The following PTPRT variants were observed in gnomAD, a reference collection of about 807,000 sequenced individuals.
PTPRT encodes the protein protein tyrosine phosphatase receptor type T, also known as receptor-type tyrosine-protein phosphatase T.
Under a neutral mutation model 176.8 loss-of-function variants are expected in PTPRT, and 56 were observed. The observed-to-expected ratio is 0.32, with a 90% CI of 0.26 to 0.40. PTPRT has a LOEUF of 0.40. Among genes scored for constraint, PTPRT ranks in the 10% least tolerant of loss-of-function variants. PTPRT has a pLI of 1.00. For missense variants in PTPRT, 1,540 were observed against 1,908.2 expected (o/e 0.81, Z 3.60); for synonymous variants, 783 against 739.0 (o/e 1.06, Z -0.96).
At position 42,619,480 on chromosome 20, in the gene PTPRT, G is replaced by A. The variant is rs1217296383; in HGVS notation, c.1153+58386C>T. Among the ~76,000 whole-genome samples, 23 of 127,520 alleles carry A rather than the reference G, an allele frequency of 1.8e-4. 1 individual carries two copies. The highest frequency in any genetic ancestry group is 7.5e-4 in the African/African-American group (20 of 26,780). 83.7% of individuals were successfully genotyped at this position (127,520 alleles called of 152,430 possible). The stretch of plus-strand genomic sequence containing the variant: ...TTCTCTGTATTTCCTGAATCTGAAC[G>A]TTGGCCTGCCTTGCTAGATTGGGGA... On this transcript the variant is annotated intron_variant, in intron 7 of 30. Coordinates refer to ENST00000373187, the MANE Select transcript of PTPRT (RefSeq NM_007050.6).
At chr20:42,882,648 A>G (rs2079026544) in intron 2 of PTPRT, among the ~76,000 whole-genome samples, 1 of 152,246 alleles carries the variant, frequency 6.6e-6, no homozygotes, top group Non-Finnish European at 1.5e-5. Flanking sequence ...CCACACATCC[A>G]TCCAACAAAT....
At chr20:42,572,486 T>C (rs1309219589) in intron 7 of PTPRT, among the ~76,000 whole-genome samples, 4 of 151,956 alleles carry the variant, frequency 2.6e-5, no homozygotes, top group Admixed American at 2.0e-4. Flanking sequence ...TCTCATTTAC[T>C]CCAGGGCCCT....
chr20:42,741,412 T>C (rs1437594109), intron 6 of PTPRT, among the ~76,000 whole-genome samples: 2 of 152,180 alleles, frequency 1.3e-5, no homozygotes, highest in African/African-American at 4.8e-5. Flanking sequence ...TGGCGCGATC[T>C]TGGCTCACTG....
intron 7 of PTPRT, among the ~76,000 whole-genome samples, chr20:42,592,587 A>G (rs2073599367): frequency 6.6e-6 from 1 of 152,168 alleles, no homozygotes; most frequent in Non-Finnish European, 1.5e-5. Context: ...CATTAAATGG[A>G]TCAAGCATTT....
intron 1 of PTPRT, among the ~76,000 whole-genome samples, chr20:42,887,488 G>T (rs528656354): frequency 6.6e-6 from 1 of 152,130 alleles, no homozygotes; most frequent in South Asian, 2.1e-4. Context: ...TTTTGTTATG[G>T]CAGCCTAAAT....
At chr20:42,082,594 T>G (rs753867) in intron 29 of PTPRT, among the ~76,000 whole-genome samples, 111,080 of 152,136 alleles carry the variant, frequency 0.73, 40,726 homozygotes, top group South Asian at 0.83. Context: ...GAGGAACTGG[T>G]CCTGATAGGC....
chr20:42,720,840 T>C (rs1345680271), intron 6 of PTPRT, among the ~76,000 whole-genome samples: 1 of 152,218 alleles, frequency 6.6e-6, no homozygotes, highest in Non-Finnish European at 1.5e-5. Flanking sequence ...TTTTTGAATA[T>C]AACTGTCTCT....
intron 18 of PTPRT, among the ~76,000 whole-genome samples, chr20:42,130,127 A>C (rs530919777): frequency 6.6e-6 from 1 of 152,198 alleles, no homozygotes; most frequent in East Asian, 1.9e-4. Context: ...CTGTTTCCAA[A>C]GGGGGTGTAA....
chr20:42,496,933 T>C (rs542175880), intron 7 of PTPRT, among the ~76,000 whole-genome samples: 2 of 152,186 alleles, frequency 1.3e-5, no homozygotes, highest in African/African-American at 4.8e-5. Flanking sequence ...GACGTTGTGT[T>C]TGGGGGCAAG....
chr20:42,946,682 T>C (rs1227694516), intron 1 of PTPRT, among the ~76,000 whole-genome samples: 2 of 152,168 alleles, frequency 1.3e-5, no homozygotes, highest in African/African-American at 2.4e-5. Flanking sequence ...ATCAGCAACA[T>C]GTACCATATA....
intron 7 of PTPRT, among the ~76,000 whole-genome samples, chr20:42,490,292 C>T (rs1036784558): frequency 2.6e-5 from 4 of 152,102 alleles, no homozygotes; most frequent in African/African-American, 9.7e-5. Flanking sequence ...TTTTTATTGA[C>T]ACTGAATTAA....
intron 7 of PTPRT, among the ~76,000 whole-genome samples, chr20:42,602,750 G>A (rs6016845): frequency 2.5e-4 from 38 of 151,984 alleles, no homozygotes; most frequent in African/African-American, 9.2e-4. Context: ...CTAAATACTA[G>A]ATGGTGACAG....
At chr20:42,690,890 G>A (rs377508558) in intron 6 of PTPRT, among the ~76,000 whole-genome samples, 22 of 152,164 alleles carry the variant, frequency 1.4e-4, no homozygotes, top group African/African-American at 5.1e-4. Context: ...AAGATCAAGT[G>A]TAAGTGCCTG....
intron 1 of PTPRT, among the ~76,000 whole-genome samples, chr20:42,891,721 G>C (rs759798639): frequency 2.4e-4 from 36 of 152,208 alleles, no homozygotes; most frequent in Non-Finnish European, 3.7e-4. Flanking sequence ...TTCTTGAGCT[G>C]AATTAAGTTT....
chr20:42,461,691 G>A (rs1485207059), intron 8 of PTPRT, among the ~76,000 whole-genome samples: 1 of 152,208 alleles, frequency 6.6e-6, no homozygotes, highest in Admixed American at 6.5e-5. Context: ...CTGACTTTCT[G>A]AGTAATGACT....
At chr20:42,336,509 A>AT (rs2058042034) in intron 11 of PTPRT, among the ~76,000 whole-genome samples, 1 of 152,104 alleles carries the variant, frequency 6.6e-6, no homozygotes, top group Non-Finnish European at 1.5e-5. Context: ...TTACTTTGAG[A>AT]TTTTTTAATT....
intron 1 of PTPRT, among the ~76,000 whole-genome samples, chr20:43,086,858 G>A (rs2011619814): frequency 6.6e-6 from 1 of 152,158 alleles, no homozygotes; most frequent in South Asian, 2.1e-4. Context: ...GCAGAACTGG[G>A]TATAAGAGAT....
chr20:43,175,041 C>G (rs1404863233), intron 1 of PTPRT, among the ~76,000 whole-genome samples: 2 of 152,236 alleles, frequency 1.3e-5, no homozygotes, highest in African/African-American at 4.8e-5. Flanking sequence ...ATTGAAAAGA[C>G]TGCGCAACAT....
intron 7 of PTPRT, among the ~76,000 whole-genome samples, chr20:42,546,479 GA>G (rs34198393): frequency 4.8e-5 from 7 of 147,346 alleles, no homozygotes; most frequent in Non-Finnish European, 7.5e-5. Context: ...GACAAAAAAA[GA>G]AAAAAAAAAC....
Sources: allele counts gnomAD v4.1 joint callset (sites outside exome capture counted in the v4.1 genomes callset), GRCh38; gene constraint gnomAD v4.1.1; transcripts MANE v1.5; gene names NCBI Gene and HGNC (gene_info 2026-07-23, HGNC 2026-07-21).